BLTP1: variants seen among roughly 807,000 people sequenced by gnomAD.
BLTP1 encodes the protein bridge-like lipid transfer protein family member 1.
the BLTP1 span, chr4:122,200,038 G>A: frequency 1.0e-6 from 1 of 974,652 alleles, no homozygotes; most frequent in South Asian, 4.7e-5. Flanking sequence ...ATGTAAAATG[G>A]TTAATATTCA....
chr4:122,175,768 A>G, the BLTP1 span: 16 of 905,488 alleles, frequency 1.8e-5, no homozygotes, highest in Non-Finnish European at 2.3e-5. Flanking sequence ...TTCATTATCA[A>G]TTGGCTTCCT....
At chr4:122,200,863 T>A in the BLTP1 span, 1 of 1,258,214 alleles carries the variant, frequency 7.9e-7, no homozygotes. Flanking sequence ...GCCACAGCAA[T>A]ATTAAAGTCT....
the BLTP1 span, among the ~76,000 whole-genome samples, chr4:122,268,819 G>C: frequency 6.6e-6 from 1 of 152,152 alleles, no homozygotes; most frequent in African/African-American, 2.4e-5. Context: ...TGAACAATAG[G>C]TATGCTTCAA....
chr4:122,250,374 C>G, the BLTP1 span: 1 of 1,604,356 alleles, frequency 6.2e-7, no homozygotes, highest in African/African-American at 1.3e-5. Context: ...GGAAGACAGT[C>G]TGGTGCTGTT....
chr4:122,276,252 C>T, the BLTP1 span: 1 of 390,588 alleles, frequency 2.6e-6, no homozygotes, highest in African/African-American at 2.1e-5. Flanking sequence ...CAAGTTGTAA[C>T]ACTGTAGTTG....
chr4:122,293,274 A>C, the BLTP1 span: 11 of 608,544 alleles, frequency 1.8e-5, no homozygotes, highest in Non-Finnish European at 2.3e-5. Context: ...CAGGACTCTC[A>C]CACAGAGGAA....
chr4:122,167,419 C>T, the BLTP1 span, among the ~76,000 whole-genome samples: 1 of 152,180 alleles, frequency 6.6e-6, no homozygotes, highest in Non-Finnish European at 1.5e-5. Context: ...CTACTTAGCT[C>T]TTTTGGGTCT....
chr4:122,231,998 G>A, the BLTP1 span: 1 of 909,006 alleles, frequency 1.1e-6, no homozygotes. Context: ...TGTTGTGCAG[G>A]AAGCCACTTA....
At chr4:122,228,314 A>G in the BLTP1 span, among the ~76,000 whole-genome samples, 1 of 152,198 alleles carries the variant, frequency 6.6e-6, no homozygotes, top group Admixed American at 6.5e-5. Context: ...CAAATGCTGT[A>G]TATACCTGTG....
chr4:122,175,660 C>G, the BLTP1 span: 1 of 153,548 alleles, frequency 6.5e-6, no homozygotes, highest in Non-Finnish European at 1.4e-5. Flanking sequence ...CCTTTTTTAA[C>G]TAGAAGATCA....
chr4:122,205,989 T>C, the BLTP1 span: 2 of 984,840 alleles, frequency 2.0e-6, no homozygotes, highest in African/African-American at 1.7e-5. Flanking sequence ...TGGTAGATGG[T>C]AGATCAGTGC....
the BLTP1 span, chr4:122,255,273 A>G: frequency 6.3e-7 from 1 of 1,593,778 alleles, no homozygotes; most frequent in Non-Finnish European, 8.6e-7. Context: ...ATCATTGATG[A>G]TGCTACAATG....
the BLTP1 span, among the ~76,000 whole-genome samples, chr4:122,205,571 C>CCCCCCCTT: frequency 1.0e-5 from 1 of 98,332 alleles, no homozygotes; most frequent in African/African-American, 3.9e-5. Context: ...CAATTGTTTC[C>CCCCCCCTT]CTCTCTCTCT....
the BLTP1 span, among the ~76,000 whole-genome samples, chr4:122,323,066 T>G: frequency 6.6e-6 from 1 of 151,416 alleles, no homozygotes; most frequent in African/African-American, 2.4e-5. Flanking sequence ...CCCCCTGGAG[T>G]TTTTAACTCT....
chr4:122,239,018 A>C, the BLTP1 span, among the ~76,000 whole-genome samples: 2 of 152,234 alleles, frequency 1.3e-5, no homozygotes, highest in African/African-American at 2.4e-5. Flanking sequence ...TGGATGTTTC[A>C]TGGAGACTTC....
chr4:122,348,768 T>C, the BLTP1 span: 1,551 of 1,261,502 alleles, frequency 1.2e-3, 12 homozygotes, highest in Non-Finnish European at 5.2e-4. Flanking sequence ...TTGTAACTTT[T>C]CTTCTACTGT....
chr4:122,214,655 C>T, the BLTP1 span: 1 of 413,138 alleles, frequency 2.4e-6, no homozygotes, highest in Admixed American at 1.2e-4. Flanking sequence ...GACAGGGTCT[C>T]ACTTTGTCAC....
chr4:122,226,453 G>T, the BLTP1 span: 13 of 1,234,606 alleles, frequency 1.1e-5, no homozygotes, highest in Non-Finnish European at 1.3e-5. Context: ...TTGCTGAAGT[G>T]AAATTTTTCA....
chr4:122,219,318 T>C, the BLTP1 span: 1 of 1,605,668 alleles, frequency 6.2e-7, no homozygotes. Context: ...GACAGCAATT[T>C]GTGTTTTCTT....
Sources: allele counts gnomAD v4.1 joint callset (sites outside exome capture counted in the v4.1 genomes callset), GRCh38; gene constraint gnomAD v4.1.1; transcripts MANE v1.5; gene names NCBI Gene and HGNC (gene_info 2026-07-23, HGNC 2026-07-21).